Variants in CEP89 observed in about 807,000 individuals in gnomAD.
CEP89 encodes centrosomal protein of 89 kDa.
A neutral mutation model predicts 97.6 loss-of-function variants in CEP89; 95 were observed. The ratio of observed to expected loss-of-function variants is 0.97; its 90% CI spans 0.82 to 1.15. The LOEUF (loss-of-function observed/expected upper bound fraction) is 1.15, where lower values mean the gene tolerates loss of function less well. CEP89 is among the 50% of genes most tolerant of loss of function. The pLI is 0.00. For synonymous variants in CEP89, 354 were observed against 349.1 expected (o/e 1.01, Z -0.16); for missense variants, 869 against 947.7 (o/e 0.92, Z 1.09).
chr19:32,922,905 G>A (rs909702736), intron 12 of CEP89, among the ~76,000 whole-genome samples: 2 of 152,082 alleles, frequency 1.3e-5, no homozygotes, highest in Non-Finnish European at 2.9e-5. Context: ...TCTCCTGAAG[G>A]CAGTGCTATA....
chr19:32,915,111 A>G (rs1970094025), intron 14 of CEP89, among the ~76,000 whole-genome samples: 1 of 152,008 alleles, frequency 6.6e-6, no homozygotes. Context: ...GAACTGAGCA[A>G]CCTCTCTCCA....
At chr19:32,898,651 G>A (rs1969695473) in intron 16 of CEP89, among the ~76,000 whole-genome samples, 1 of 152,230 alleles carries the variant, frequency 6.6e-6, no homozygotes, top group East Asian at 1.9e-4. Flanking sequence ...GGAGGCCGAG[G>A]TGGGCAGATC....
chr19:32,935,845 A>G (rs900998564), intron 7 of CEP89, among the ~76,000 whole-genome samples: 1 of 152,054 alleles, frequency 6.6e-6, no homozygotes, highest in African/African-American at 2.4e-5. Context: ...TTGGGGGCCC[A>G]AGAAGGCCCC....
intron 5 of CEP89, 70 bp from the exon 6 acceptor site, chr19:32,939,955 A>C (rs375280314): frequency 1.3e-6 from 1 of 749,674 alleles, no homozygotes; most frequent in Non-Finnish European, 2.3e-6. Context: ...CAGAAAGTAC[A>C]ATCATAGAAA....
intron 5 of CEP89, among the ~76,000 whole-genome samples, chr19:32,942,624 TATTTAATGTAC>T (rs1970710446): frequency 6.6e-6 from 1 of 152,238 alleles, no homozygotes; most frequent in African/African-American, 2.4e-5. Context: ...ATTCATGTTG[TATTTAATGTAC>T]ATTTAATGTA....
rs202072131 is a variant in CEP89 at position 32,918,353 on chromosome 19, A to T, written c.1269-14T>A. 3.2e-6 allele frequency: 5 copies of T among 1,581,346 alleles called. No individual in the cohort carries two copies. Among genetic ancestry groups the T allele is most frequent in the Non-Finnish European group, 3.5e-6 (4 of 1,150,128 alleles). On this transcript the variant is annotated splice_polypyrimidine_tract_variant and intron_variant, in intron 12 of 18. Coordinates refer to ENST00000305768, the MANE Select transcript of CEP89 (RefSeq NM_032816.5). ...TGAAGCTGACGCCTGCAATTGATTT[A>T]CAAGATGAAATACTGTGATTCAGGT...
chr19:32,940,657 T>G lies in CEP89; in HGVS notation c.596-772A>C, dbSNP rs532628394. Among the ~76,000 whole-genome samples the G allele has an allele frequency of 9.8e-5, 15 of 152,302 alleles. No individual in the cohort carries two copies. In the East Asian group the frequency reaches 2.9e-3, roughly 29 times the overall value. ...AGAGAGGAAAACAAATCTCACCCAC[T>G]TACTCATCTTCCACACATCTGTAAT... On this transcript the variant is annotated intron_variant, in intron 5 of 18. Coordinates refer to ENST00000305768, the MANE Select transcript of CEP89 (RefSeq NM_032816.5).
At chr19:32,913,310 T>TG (rs1555790456) in intron 14 of CEP89, among the ~76,000 whole-genome samples, 3 of 45,614 alleles carry the variant, frequency 6.6e-5, no homozygotes, top group East Asian at 1.2e-3. Context: ...TATATATTTT[T>TG]TTGTTGTTGT....
intron 1 of CEP89, chr19:32,969,920 G>C (rs1971363439): frequency 6.6e-6 from 1 of 152,300 alleles, no homozygotes; most frequent in Non-Finnish European, 1.5e-5. Flanking sequence ...TGCGGCTCCA[G>C]TCCCAACTCA....
intron 14 of CEP89, among the ~76,000 whole-genome samples, chr19:32,910,668 AAATTTTTTTT>A (rs144455933): frequency 0.19 from 29,320 of 151,994 alleles, 2,901 homozygotes; most frequent in Non-Finnish European, 0.2. Context: ...TTTTTCTATT[AAATTTTTTTT>A]AAACTTTCTA....
intron 5 of CEP89, among the ~76,000 whole-genome samples, chr19:32,943,281 G>A (rs1244944010): frequency 6.6e-6 from 1 of 152,208 alleles, no homozygotes; most frequent in African/African-American, 2.4e-5. Flanking sequence ...ATAGGCCTGA[G>A]CCACTGTGCC....
intron 2 of CEP89, among the ~76,000 whole-genome samples, chr19:32,963,300 G>A (rs371356861): frequency 1.5e-4 from 23 of 152,274 alleles, no homozygotes; most frequent in African/African-American, 3.9e-4. Context: ...AGGTTGAAGT[G>A]AGCTGAAATC....
intron 17 of CEP89, among the ~76,000 whole-genome samples, chr19:32,885,682 G>A (rs1969379909): frequency 6.6e-6 from 1 of 152,154 alleles, no homozygotes; most frequent in African/African-American, 2.4e-5. Flanking sequence ...TTCTGTGTCA[G>A]TTTTCCCTAG....
In CEP89 at chr19:32,887,790, T is replaced by C. The variant is rs142812224; in HGVS notation, c.1927A>G (p.Ser643Gly). Residue 643 changes from serine (S) to glycine (G), a missense_variant, in exon 17 of 19, where the codon AGC becomes GGC. Coordinates refer to ENST00000305768, the MANE Select transcript of CEP89 (RefSeq NM_032816.5). ...KDGVLNKVIK[S>G]NIRLGKLEEK... ...TCTAACTTTCCCAGGCGAATGTTGCTTTTTATGACTTTATTAAGCACTCCA... is the reference window on the plus strand; with the variant it reads ...TCTAACTTTCCCAGGCGAATGTTGCCTTTTATGACTTTATTAAGCACTCCA... 6.0e-3 allele frequency: 9,716 copies of C among 1,613,450 alleles called. 47 individuals are homozygous for C. The highest frequency in any genetic ancestry group is 7.3e-3 in the Non-Finnish European group (8,650 of 1,179,296).
At chr19:32,963,341 A>G (rs977986780) in intron 2 of CEP89, among the ~76,000 whole-genome samples, 5 of 152,138 alleles carry the variant, frequency 3.3e-5, no homozygotes, top group African/African-American at 7.2e-5. Flanking sequence ...GGGTGACAGA[A>G]TGAGACTCTG....
chr19:32,959,790 CA>C, intron 3 of CEP89, 109 bp downstream of exon 3: 2 of 1,199,410 alleles, frequency 1.7e-6, no homozygotes, highest in Non-Finnish European at 2.3e-6. Flanking sequence ...CGCACCCACA[CA>C]GGTACACATG....
At chr19:32,951,532 TATACACAC>T (rs1474284467) in intron 4 of CEP89, among the ~76,000 whole-genome samples, 17 of 112,410 alleles carry the variant, frequency 1.5e-4, no homozygotes, top group African/African-American at 5.9e-4. Flanking sequence ...TATATATATA[TATACACAC>T]ACACACACAC....
intron 4 of CEP89, among the ~76,000 whole-genome samples, chr19:32,949,510 A>G (rs1016364840): frequency 6.6e-6 from 1 of 151,952 alleles, no homozygotes; most frequent in Non-Finnish European, 1.5e-5. Context: ...TCAGCCTCCC[A>G]GTAGCTAGGA....
Position 32,948,251 on chromosome 19 carries a change from G to GTT in CEP89, c.595+13_595+14dup. ...GTTCTTATATTTTATAAAAATTGTG[G>GTT]TTTTTTTTTTCTACCTTTTTGTTGT... On this transcript the variant is annotated intron_variant, in intron 5 of 18. Coordinates refer to ENST00000305768, the MANE Select transcript of CEP89 (RefSeq NM_032816.5). 17 of 1,348,496 alleles carry GTT rather than the reference G, an allele frequency of 1.3e-5. No individual in the cohort carries two copies. The highest frequency in any genetic ancestry group is 1.5e-5 in the Non-Finnish European group (15 of 979,596). The allele number at this position is 1,348,496 out of a possible 1,614,324, so 83.5% of individuals were successfully genotyped here.
Sources: gnomAD v4.1 joint callset for allele counts (sites outside exome capture counted in the v4.1 genomes callset) on GRCh38, gnomAD v4.1.1 for gene constraint, MANE v1.5 for transcripts, NCBI Gene and HGNC (gene_info 2026-07-23, HGNC 2026-07-21) for gene names.